Variants in PLXNA2 observed in about 807,000 individuals in gnomAD.
PLXNA2 encodes the protein plexin A2.
A neutral mutation model predicts 193.5 loss-of-function variants in PLXNA2; 91 were observed. That is an observed-to-expected ratio of 0.47 (90% CI 0.40 to 0.56). The LOEUF is 0.56. Among genes scored for constraint, PLXNA2 ranks in the 20% least tolerant of loss-of-function variants. The pLI is 0.00. For synonymous variants in PLXNA2, 997 were observed against 1,027.3 expected, an observed-to-expected ratio of 0.97 and a Z score of 0.56; for missense variants, 1,995 against 2,503.2, an observed-to-expected ratio of 0.80 and a Z score of 4.33.
At chr1:208,184,199 T>A (rs562827066) in intron 3 of PLXNA2, among the ~76,000 whole-genome samples, 1 of 152,026 alleles carries the variant, frequency 6.6e-6, no homozygotes, top group Non-Finnish European at 1.5e-5. Context: ...AGGATAGATG[T>A]GGGGTGGGTT....
At chr1:208,152,594 T>C (rs1271425120) in intron 3 of PLXNA2, among the ~76,000 whole-genome samples, 1 of 151,966 alleles carries the variant, frequency 6.6e-6, no homozygotes, top group African/African-American at 2.4e-5. Context: ...GTCTCCTAAT[T>C]TTTTTATGAT....
intron 3 of PLXNA2, among the ~76,000 whole-genome samples, chr1:208,161,048 C>G (rs754739627): frequency 1.3e-5 from 2 of 152,230 alleles, no homozygotes; most frequent in Non-Finnish European, 2.9e-5. Flanking sequence ...CCTCCTCCAC[C>G]CAGAGCTGCT....
intron 4 of PLXNA2, among the ~76,000 whole-genome samples, chr1:208,108,178 C>T (rs867953513): frequency 3.9e-5 from 6 of 152,078 alleles, no homozygotes; most frequent in South Asian, 4.2e-4. Context: ...ATTCAGCACA[C>T]GAGTAGCCCA....
At chr1:208,175,144 T>C (rs978703410) in intron 3 of PLXNA2, among the ~76,000 whole-genome samples, 3 of 152,024 alleles carry the variant, frequency 2.0e-5, no homozygotes, top group African/African-American at 7.3e-5. Context: ...GGGGAGAAGG[T>C]ATATGATGAG....
rs577236126 is a variant in PLXNA2, at chr1:208,054,506, C to T, written c.2771G>A (p.Gly924Glu). 1.9e-6 allele frequency: 3 copies of T among 1,614,198 alleles called. No individual in the cohort carries two copies. The highest frequency in any genetic ancestry group is 2.5e-6 in the Non-Finnish European group (3 of 1,180,002). ...IVCEMGHALV[G>E]TTSGPVRLCI... The stretch of plus-strand genomic sequence containing the variant: ...CAGGCGTACTGGCCCGGAGGTGGTT[C>T]CCACGAGGGCATGGCCCATCTCACA... The change falls in exon 14 of 32, where the codon GGA (glycine) becomes GAA (glutamate). Residue 924 changes from glycine to glutamate, a missense_variant. Gly to Glu is a moderately conservative substitution (Grantham distance 98). Around this residue, in one of 3 missense-constraint regions of PLXNA2, gnomAD observed 1,291 missense variants for 1,673.6 expected, o/e 0.77. Coordinates refer to ENST00000367033, the MANE Select transcript of PLXNA2 (RefSeq NM_025179.4).
At chr1:208,238,914 A>G (rs1671953928) in intron 1 of PLXNA2, among the ~76,000 whole-genome samples, 1 of 152,188 alleles carries the variant, frequency 6.6e-6, no homozygotes, top group African/African-American at 2.4e-5. Flanking sequence ...CTCCCTGTTA[A>G]GTTGAGAATG....
At chr1:208,085,862 TCCGTC>T (rs1457827927) in intron 9 of PLXNA2, among the ~76,000 whole-genome samples, 1 of 152,236 alleles carries the variant, frequency 6.6e-6, no homozygotes, top group African/African-American at 2.4e-5. Flanking sequence ...AACATGCTTT[TCCGTC>T]TATTAGAAAC....
intron 7 of PLXNA2, 102 bp downstream of exon 7, chr1:208,096,628 G>T: frequency 7.5e-7 from 1 of 1,326,176 alleles, no homozygotes; most frequent in Non-Finnish European, 1.0e-6. Context: ...GCCAATATTA[G>T]TATCTGGTAT....
At chr1:208,196,903 A>T (rs569927381) in intron 3 of PLXNA2, among the ~76,000 whole-genome samples, 34 of 152,320 alleles carry the variant, frequency 2.2e-4, no homozygotes, top group Admixed American at 5.2e-4. Context: ...GTATCTGGGT[A>T]TATGTGAGGT....
rs75169839 is a variant in PLXNA2 at position 208,060,477 on chromosome 1, G to A, written c.2738+209C>T. ...GGGCCGGAGCCCTGATGCCAGAAGAGTCAGGGAACAGGGAATCAAACAGGA... is the reference window on the plus strand; with the variant it reads ...GGGCCGGAGCCCTGATGCCAGAAGAATCAGGGAACAGGGAATCAAACAGGA... On this transcript the variant is annotated intron_variant, in intron 13 of 31. Coordinates refer to ENST00000367033, the MANE Select transcript of PLXNA2 (RefSeq NM_025179.4). Among the ~76,000 whole-genome samples the A allele has an allele frequency of 2.4e-3, 358 of 152,304 alleles. 1 individual carries two copies. The highest frequency in any genetic ancestry group is 3.9e-3 in the Non-Finnish European group (267 of 68,030).
At chr1:208,187,953 TAGGGATA>T (rs1670059444) in intron 3 of PLXNA2, among the ~76,000 whole-genome samples, 1 of 152,172 alleles carries the variant, frequency 6.6e-6, no homozygotes, top group Admixed American at 6.5e-5. Flanking sequence ...GTCTCCATTT[TAGGGATA>T]AGAGAACTGG....
chr1:208,238,515 C>G (rs1427804483), intron 1 of PLXNA2, among the ~76,000 whole-genome samples: 2 of 152,166 alleles, frequency 1.3e-5, no homozygotes, highest in Non-Finnish European at 2.9e-5. Flanking sequence ...GGTCTCCTGC[C>G]CATCCCAATA....
rs1348364405 is a variant in PLXNA2 at position 208,243,933 on chromosome 1, G to C, written c.-371C>G. 1 of 152,302 alleles carries C rather than the reference G, an allele frequency of 6.6e-6. No individual in the cohort carries two copies. Among genetic ancestry groups the C allele is most frequent in the South Asian group, 2.1e-4 (1 of 4,842 alleles). 9.4% of individuals were successfully genotyped at this position (152,302 alleles called of 1,614,324 possible). A position where few individuals can be genotyped will look rare whatever the true frequency, so the allele number is the denominator to read the frequency against. On this transcript the variant is annotated 5_prime_UTR_variant, in exon 1 of 32. Transcript: ENST00000367033. Reference sequence around the variant, plus strand: ...CGGCTCTCAGGGGGCACCCGGAGGCGCCGAGGGGGCGTGTGGGGGCGGCCG... The same window carrying C: ...CGGCTCTCAGGGGGCACCCGGAGGCCCCGAGGGGGCGTGTGGGGGCGGCCG...
At chr1:208,240,812 A>G (rs942970871) in intron 1 of PLXNA2, among the ~76,000 whole-genome samples, 3 of 151,674 alleles carry the variant, frequency 2.0e-5, no homozygotes, top group Admixed American at 1.3e-4. Flanking sequence ...TCCATTTGCC[A>G]TGATGGACAG....
At chr1:208,120,385 T>C (rs924638190) in intron 4 of PLXNA2, among the ~76,000 whole-genome samples, 6 of 152,184 alleles carry the variant, frequency 3.9e-5, no homozygotes, top group African/African-American at 1.4e-4. Flanking sequence ...TGAAGCTTTC[T>C]GAAGACAGAC....
intron 3 of PLXNA2, among the ~76,000 whole-genome samples, chr1:208,186,717 T>TTTGTTTTCTG: frequency 7.3e-6 from 1 of 136,340 alleles, no homozygotes; most frequent in Middle Eastern, 3.6e-3. Flanking sequence ...TATTTTATTT[T>TTTGTTTTCTG]TTTTTTTTTT....
chr1:208,055,327 G>A (rs1665395367), intron 13 of PLXNA2, among the ~76,000 whole-genome samples: 1 of 152,140 alleles, frequency 6.6e-6, no homozygotes, highest in Non-Finnish European at 1.5e-5. Flanking sequence ...GACTTCCCTG[G>A]CGCCTGAGAA....
At chr1:208,126,156 C>T (rs1192455661) in intron 4 of PLXNA2, among the ~76,000 whole-genome samples, 1 of 152,154 alleles carries the variant, frequency 6.6e-6, no homozygotes, top group African/African-American at 2.4e-5. Flanking sequence ...AAAAGGCCCA[C>T]GACCATGAAC....
chr1:208,165,210 G>C (rs939522517), intron 3 of PLXNA2, among the ~76,000 whole-genome samples: 1 of 152,170 alleles, frequency 6.6e-6, no homozygotes, highest in African/African-American at 2.4e-5. Flanking sequence ...TCTCTGGTGG[G>C]TGCACCCAAG....
Sources: allele counts gnomAD v4.1 joint callset (sites outside exome capture counted in the v4.1 genomes callset), GRCh38; gene constraint gnomAD v4.1.1; regional missense constraint gnomAD v4.1.1; transcripts MANE v1.5; gene names NCBI Gene and HGNC (gene_info 2026-07-23, HGNC 2026-07-21).